CASTOR1: variants seen among roughly 807,000 people sequenced by gnomAD.
The protein encoded by CASTOR1 is GATS protein like 3.
In CASTOR1, 18 loss-of-function variants were observed where a neutral mutation model predicts 33.7. That is an observed-to-expected ratio of 0.53 (90% CI 0.37 to 0.79). The LOEUF (loss-of-function observed/expected upper bound fraction) is 0.79. CASTOR1 is among the 30% of genes least tolerant of loss of function. The probability of loss-of-function intolerance (pLI) is 0.00; values close to 1 mark genes in which losing one functional copy is unlikely to be tolerated. For synonymous variants in CASTOR1, 175 were observed against 190.6 expected (o/e 0.92, Z 0.67); for missense variants, 362 against 446.3 (o/e 0.81, Z 1.70).
At chr22:30,288,253 T>A (rs373911152) in intron 2 of CASTOR1, among the ~76,000 whole-genome samples, 3 of 152,232 alleles carry the variant, frequency 2.0e-5, no homozygotes, top group Non-Finnish European at 4.4e-5. Context: ...TCCCCTGAGA[T>A]GGCTGCCTGC....
At chr22:30,289,267 C>A in intron 1 of CASTOR1, 118 bp downstream of exon 1, 1 of 803,730 alleles carries the variant, frequency 1.2e-6, no homozygotes, top group Non-Finnish European at 2.0e-6. Context: ...AGAGTCCTCC[C>A]CACCCGCTCC....
intron 2 of CASTOR1, chr22:30,288,023 A>G (rs577139954): frequency 2.6e-6 from 1 of 390,888 alleles, no homozygotes; most frequent in African/African-American, 2.1e-5. Flanking sequence ...AAAAACAGGG[A>G]AACTAAGGCC....
rs776262740 is a variant in CASTOR1, at chr22:30,287,490, G to A, written c.255C>T (p.Ser85=). 61 of 1,613,280 alleles carry A rather than the reference G, an allele frequency of 3.8e-5. No individual in the cohort carries two copies. The Admixed American group carries it at 8.7e-4, about 23-fold the overall frequency. The change falls in exon 3 of 9, where the codon AGC becomes AGT. Residue 85 remains serine (S), a synonymous_variant. Coordinates refer to ENST00000407689, the MANE Select transcript of CASTOR1 (RefSeq NM_001037666.3). The stretch of plus-strand genomic sequence containing the variant: ...CCCCAGCAGCCTGCACTGCCGCACC[G>A]CTGTGAGACGACACGTTCAGCACCA... The part of the protein sequence containing the change: ...TWLVLNVSSH[S]GAAVQAAGVT...
chr22:30,288,019 A>C (rs1338888584), intron 2 of CASTOR1: 1 of 391,924 alleles, frequency 2.6e-6, no homozygotes, highest in East Asian at 7.1e-5. Flanking sequence ...AAGTAAAAAC[A>C]GGGAAACTAA....
At chr22:30,286,568 C>G in intron 5 of CASTOR1, 192 bp from the exon 6 acceptor site, 1 of 661,602 alleles carries the variant, frequency 1.5e-6, no homozygotes, top group Non-Finnish European at 2.6e-6. Context: ...ATGAACCCAG[C>G]CTGTGCCAAA....
In CASTOR1 at chr22:30,289,228, C is replaced by G. The variant is rs1234620411; in HGVS notation, c.113+157G>C. ...CTCACGGGGCCGGATAGGCGGCGGT[C>G]CCCCAGGCCGGATGGCGGCCGGACG... On this transcript the variant is annotated intron_variant, in intron 1 of 8. Transcript: ENST00000407689. 4.8e-6 allele frequency: 3 copies of G among 623,554 alleles called. No individual in the cohort carries two copies. The African/African-American group carries it at 5.8e-5, about 12-fold the overall frequency. The allele number at this position is 623,554 out of a possible 1,614,324, so 38.6% of individuals were successfully genotyped here.
In CASTOR1 at chr22:30,288,789, G is replaced by A. The variant is rs1929853579; in HGVS notation, c.114-13C>T. On this transcript the variant is annotated splice_polypyrimidine_tract_variant and intron_variant, in intron 1 of 8. Coordinates refer to ENST00000407689, the MANE Select transcript of CASTOR1 (RefSeq NM_001037666.3). Reference sequence around the variant, plus strand: ...GAAGAACTTGCACCTGGTTGGGGGTGGGGAGCATCTTCAGCTTGGTGTGGA... The same window carrying A: ...GAAGAACTTGCACCTGGTTGGGGGTAGGGAGCATCTTCAGCTTGGTGTGGA... 2 of 1,606,076 alleles carry A rather than the reference G, an allele frequency of 1.2e-6. No homozygotes were observed. Among genetic ancestry groups the A allele is most frequent in the African/African-American group, 1.3e-5 (1 of 74,340 alleles).
chr22:30,285,575 T>G lies in CASTOR1; in HGVS notation c.*45A>C, dbSNP rs1929732207. On this transcript the variant is annotated 3_prime_UTR_variant, in exon 9 of 9. Transcript: ENST00000407689. Reference sequence around the variant, plus strand: ...TAGCTTAGAGAAGTCTTTGGAAGCCTGGGTCGAGGGGAGAGCAGGGAGGCT... The same window carrying G: ...TAGCTTAGAGAAGTCTTTGGAAGCCGGGGTCGAGGGGAGAGCAGGGAGGCT... 2.8e-6 allele frequency: 4 copies of G among 1,437,956 alleles called. No individual in the cohort carries two copies. Among genetic ancestry groups the G allele is most frequent in the Non-Finnish European group, 2.9e-6 (3 of 1,050,564 alleles). The allele number at this position is 1,437,956 out of a possible 1,614,324, so 89.1% of individuals were successfully genotyped here.
chr22:30,286,132 C>G (rs1290101454), intron 6 of CASTOR1, 34 bp from the exon 7 acceptor site: 1 of 1,491,084 alleles, frequency 6.7e-7, no homozygotes, highest in Non-Finnish European at 9.1e-7. Context: ...GCAGGGCACC[C>G]CCATCCACCC....
At position 30,286,794 on chromosome 22, in the gene CASTOR1, G is replaced by T. The variant is rs771980464; in HGVS notation, c.629+31C>A. 3.7e-6 allele frequency: 6 copies of T among 1,613,704 alleles called. No individual in the cohort carries two copies. In the South Asian group the frequency reaches 6.6e-5, roughly 18 times the overall value. ...GGGACAGAGTGTAGGGAACAGTGCT[G>T]TGAGGACAAAGACGAAGTTCCAAGG... is the stretch of plus-strand genomic sequence containing the variant. On this transcript the variant is annotated intron_variant, in intron 5 of 8. Coordinates refer to ENST00000407689, the MANE Select transcript of CASTOR1 (RefSeq NM_001037666.3).
Position 30,285,589 on chromosome 22 carries a change from A to C in CASTOR1, c.*31T>G. The C allele has an allele frequency of 4.0e-6, 6 of 1,512,384 alleles. No individual in the cohort carries two copies. The highest frequency in any genetic ancestry group is 4.5e-6 in the Non-Finnish European group (5 of 1,114,864). The allele number at this position is 1,512,384 out of a possible 1,614,324, so 93.7% of individuals were successfully genotyped here. A position where few individuals can be genotyped will look rare whatever the true frequency, so the allele number is the denominator to read the frequency against. On this transcript the variant is annotated 3_prime_UTR_variant, in exon 9 of 9. Coordinates refer to ENST00000407689, the MANE Select transcript of CASTOR1 (RefSeq NM_001037666.3). ...CTTTGGAAGCCTGGGTCGAGGGGAG[A>C]GCAGGGAGGCTGCTCTGTTGCCCAT... is the stretch of plus-strand genomic sequence containing the variant.
chr22:30,287,030 AG>A, intron 4 of CASTOR1, 82 bp from the exon 5 acceptor site: 1 of 1,560,126 alleles, frequency 6.4e-7, no homozygotes, highest in Non-Finnish European at 8.7e-7. Flanking sequence ...GGCGTGGGCC[AG>A]GGGCAGGTCT....
At chr22:30,288,509 G>A (rs1367008137) in intron 2 of CASTOR1, among the ~76,000 whole-genome samples, 197 bp downstream of exon 2, 2 of 152,108 alleles carry the variant, frequency 1.3e-5, no homozygotes, top group African/African-American at 4.8e-5. Flanking sequence ...TTTTACATAA[G>A]AGAAAACAGC....
intron 6 of CASTOR1, 46 bp from the exon 7 acceptor site, chr22:30,286,144 T>C (rs1237179758): frequency 6.8e-7 from 1 of 1,466,856 alleles, no homozygotes; most frequent in South Asian, 1.3e-5. Flanking sequence ...CATCCACCCC[T>C]GCCTGACCGT....
At chr22:30,286,511 C>T in intron 5 of CASTOR1, 135 bp from the exon 6 acceptor site, 1 of 698,668 alleles carries the variant, frequency 1.4e-6, no homozygotes, top group Non-Finnish European at 2.5e-6. Flanking sequence ...GCTACCCGCC[C>T]AAGGGTCCAG....
chr22:30,288,912 A>C (rs1380826046), intron 1 of CASTOR1, 136 bp from the exon 2 acceptor site: 2 of 628,384 alleles, frequency 3.2e-6, no homozygotes, highest in Non-Finnish European at 5.4e-6. Flanking sequence ...TTTAATTTCC[A>C]GGCCAATGGG....
At chr22:30,286,976 G>A (rs752292015) in intron 4 of CASTOR1, 28 bp from the exon 5 acceptor site, 7 of 1,592,008 alleles carry the variant, frequency 4.4e-6, no homozygotes, top group Admixed American at 1.7e-5. Context: ...CAGGTGAAAA[G>A]GTGTCCGTGG....
chr22:30,286,661 G>C (rs1269375773), intron 5 of CASTOR1, 164 bp downstream of exon 5: 1 of 937,136 alleles, frequency 1.1e-6, no homozygotes, highest in African/African-American at 1.6e-5. Flanking sequence ...TTTGGGGCAA[G>C]AACCTTCCCC....
At chr22:30,286,427 C>T (rs1245817635) in intron 5 of CASTOR1, 51 bp from the exon 6 acceptor site, 1 of 1,242,042 alleles carries the variant, frequency 8.1e-7, no homozygotes. Context: ...CAGCCTACTG[C>T]CCCTGCTCCC....
Sources: allele counts gnomAD v4.1 joint callset (sites outside exome capture counted in the v4.1 genomes callset), GRCh38; gene constraint gnomAD v4.1.1; transcripts MANE v1.5; gene names NCBI Gene and HGNC (gene_info 2026-07-23, HGNC 2026-07-21).